KLHL1: variants seen among roughly 807,000 people sequenced by gnomAD.
The protein encoded by KLHL1 is kelch-like protein 1.
A neutral mutation model predicts 77.7 loss-of-function variants in KLHL1; 47 were observed. That is an observed-to-expected ratio of 0.60 (90% CI 0.48 to 0.77). The LOEUF (loss-of-function observed/expected upper bound fraction) is 0.77. Ranked by LOEUF, KLHL1 falls within the 30% of genes least tolerant of loss-of-function variation. The pLI, the probability that KLHL1 is intolerant of heterozygous loss-of-function variation, is 0.00. For synonymous variants in KLHL1, 360 were observed against 325.2 expected, an observed-to-expected ratio of 1.11 and a Z score of -1.15; for missense variants, 925 against 910.8, an observed-to-expected ratio of 1.02 and a Z score of -0.20.
chr13:70,105,628 T>C (rs1888035398), intron 1 of KLHL1, among the ~76,000 whole-genome samples: 1 of 151,356 alleles, frequency 6.6e-6, no homozygotes, highest in South Asian at 2.1e-4. Flanking sequence ...TTAATGTTTC[T>C]GGATAATTCC....
At position 70,091,432 on chromosome 13, in the gene KLHL1, G is replaced by T. The variant is rs79223649; in HGVS notation, c.497+15771C>A. Among the ~76,000 whole-genome samples, 640 of 151,970 alleles carry T rather than the reference G, an allele frequency of 4.2e-3. 4 individuals are homozygous for T. Among genetic ancestry groups the T allele is most frequent in the African/African-American group, 0.015 (608 of 41,426 alleles). On this transcript the variant is annotated intron_variant, in intron 1 of 10. Transcript: ENST00000377844. ...TTTAATTCTACATAACTCATGTGTT[G>T]TTCTCTCAGCAAATAGTCATCTACC...
intron 4 of KLHL1, among the ~76,000 whole-genome samples, chr13:69,922,280 T>A (rs888721030): frequency 5.3e-5 from 8 of 151,984 alleles, no homozygotes; most frequent in Admixed American, 2.0e-4. Context: ...AAATTAAAAT[T>A]TTAAGGGTAC....
At chr13:70,072,812 T>A (rs1361762854) in intron 1 of KLHL1, among the ~76,000 whole-genome samples, 1 of 152,008 alleles carries the variant, frequency 6.6e-6, no homozygotes, top group Non-Finnish European at 1.5e-5. Flanking sequence ...GGTAAAAAAC[T>A]TTTATTTAAA....
chr13:69,731,926 A>T lies in KLHL1; in HGVS notation c.1802+8468T>A, dbSNP rs74374792. ...GCATGTAGAAGTTTTTCCATCATAT[A>T]AAAATATTTTATTTTTTGACCTAAA... On this transcript the variant is annotated intron_variant, in intron 8 of 10. Coordinates refer to ENST00000377844, the MANE Select transcript of KLHL1 (RefSeq NM_020866.3). Among the ~76,000 whole-genome samples, 941 of 152,246 alleles carry T rather than the reference A, an allele frequency of 6.2e-3. 8 individuals carry two copies. Among genetic ancestry groups the T allele is most frequent in the African/African-American group, 0.021 (886 of 41,560 alleles).
At chr13:70,038,578 TTAA>T (rs1371962626) in intron 1 of KLHL1, among the ~76,000 whole-genome samples, 5 of 118,468 alleles carry the variant, frequency 4.2e-5, no homozygotes, top group African/African-American at 1.5e-4. Flanking sequence ...GGGATTGTCA[TTAA>T]TTTTTTTTTT....
In KLHL1 at chr13:69,776,433, C is replaced by A. The variant is rs145162982; in HGVS notation, c.1639+20305G>T. ...TATGAACTTCAACAAACTAATTAAT[C>A]TTTCTAGTTCTCAGTTTTCTCATTT... On this transcript the variant is annotated intron_variant, in intron 7 of 10. Coordinates refer to ENST00000377844, the MANE Select transcript of KLHL1 (RefSeq NM_020866.3). Among the ~76,000 whole-genome samples, 112 of 152,286 alleles carry A rather than the reference C, an allele frequency of 7.4e-4. 1 individual carries two copies. Among genetic ancestry groups the A allele is most frequent in the African/African-American group, 2.6e-3 (110 of 41,566 alleles).
intron 9 of KLHL1, among the ~76,000 whole-genome samples, chr13:69,711,122 T>C (rs1389383654): frequency 2.0e-5 from 3 of 152,148 alleles, no homozygotes; most frequent in Admixed American, 6.6e-5. Flanking sequence ...ACTTTAAGGA[T>C]AATAATCGGC....
intron 1 of KLHL1, among the ~76,000 whole-genome samples, chr13:70,041,697 C>T (rs1051841642): frequency 2.0e-5 from 3 of 152,052 alleles, no homozygotes; most frequent in Admixed American, 2.0e-4. Context: ...TTTGACACTA[C>T]CCCAGTGGAG....
At chr13:70,070,930 T>C (rs541356696) in intron 1 of KLHL1, among the ~76,000 whole-genome samples, 2 of 151,586 alleles carry the variant, frequency 1.3e-5, no homozygotes, top group Admixed American at 6.6e-5. Context: ...GATAGACTAA[T>C]AGAGGAGAAA....
At chr13:70,106,834 T>C (rs920901477) in intron 1 of KLHL1, among the ~76,000 whole-genome samples, 6 of 152,180 alleles carry the variant, frequency 3.9e-5, no homozygotes, top group African/African-American at 1.2e-4. Flanking sequence ...TGATGATGTG[T>C]AAAGCAAAAT....
At chr13:70,099,331 C>T (rs1242853614) in intron 1 of KLHL1, among the ~76,000 whole-genome samples, 1 of 151,572 alleles carries the variant, frequency 6.6e-6, no homozygotes, top group Non-Finnish European at 1.5e-5. Context: ...TCATACTTCC[C>T]ATTGTTCATC....
chr13:70,061,173 T>C (rs1487934744), intron 1 of KLHL1, among the ~76,000 whole-genome samples: 1 of 152,134 alleles, frequency 6.6e-6, no homozygotes, highest in African/African-American at 2.4e-5. Context: ...TCAAATTTTC[T>C]GTTAGTAATC....
chr13:69,931,744 C>T (rs1883010519), intron 4 of KLHL1, among the ~76,000 whole-genome samples: 1 of 151,408 alleles, frequency 6.6e-6, no homozygotes, highest in Non-Finnish European at 1.5e-5. Context: ...AAATATTGAA[C>T]ACAGACACTG....
At chr13:69,821,628 T>C (rs1480434852) in intron 6 of KLHL1, among the ~76,000 whole-genome samples, 1 of 152,136 alleles carries the variant, frequency 6.6e-6, no homozygotes, top group Non-Finnish European at 1.5e-5. Context: ...GTGATAATAA[T>C]TTAAAGAGCT....
chr13:69,718,714 C>G (rs1872888975), intron 9 of KLHL1, among the ~76,000 whole-genome samples: 1 of 152,124 alleles, frequency 6.6e-6, no homozygotes, highest in South Asian at 2.1e-4. Flanking sequence ...TCAGCGATAC[C>G]TGTGCCAGAA....
intron 4 of KLHL1, among the ~76,000 whole-genome samples, chr13:69,914,532 C>A (rs76048644): frequency 5.3e-5 from 8 of 152,244 alleles, no homozygotes; most frequent in African/African-American, 1.9e-4. Flanking sequence ...ACAGCAGAAT[C>A]TGCAGCATTT....
At chr13:69,886,980 A>G (rs908572130) in intron 4 of KLHL1, among the ~76,000 whole-genome samples, 10 of 152,120 alleles carry the variant, frequency 6.6e-5, no homozygotes, top group Admixed American at 2.6e-4. Flanking sequence ...TAGAAAGATG[A>G]GTTCTTAGGA....
At chr13:70,016,255 C>T (rs1400889956) in intron 1 of KLHL1, among the ~76,000 whole-genome samples, 1 of 152,216 alleles carries the variant, frequency 6.6e-6, no homozygotes, top group African/African-American at 2.4e-5. Flanking sequence ...GCAGTGAGGG[C>T]TGTGTGCTCC....
intron 1 of KLHL1, among the ~76,000 whole-genome samples, chr13:69,988,265 TC>T (rs1884930664): frequency 6.6e-6 from 1 of 152,142 alleles, no homozygotes; most frequent in Admixed American, 6.6e-5. Flanking sequence ...GGCCTACAGT[TC>T]CTTCCATGTT....
Sources: allele counts gnomAD v4.1 joint callset (sites outside exome capture counted in the v4.1 genomes callset), GRCh38; gene constraint gnomAD v4.1.1; transcripts MANE v1.5; gene names NCBI Gene and HGNC (gene_info 2026-07-23, HGNC 2026-07-21).